Variants in DNAH6 observed in about 807,000 individuals in gnomAD.
DNAH6 encodes the protein axonemal beta dynein heavy chain 6.
Under a neutral mutation model 491.4 loss-of-function variants are expected in DNAH6, and 340 were observed. The ratio of observed to expected loss-of-function variants is 0.69; its 90% CI spans 0.63 to 0.76. DNAH6 has a LOEUF of 0.76. DNAH6 is among the 30% of genes least tolerant of loss of function. DNAH6 has a pLI of 0.00. For synonymous variants in DNAH6, 1,603 were observed against 1,686.1 expected (o/e 0.95, Z 1.21); for missense variants, 4,443 against 4,972.2 (o/e 0.89, Z 3.20).
At chr2:84,714,264 C>G (rs1320669304) in intron 57 of DNAH6, among the ~76,000 whole-genome samples, 6 of 152,210 alleles carry the variant, frequency 3.9e-5, no homozygotes, top group African/African-American at 1.4e-4. Flanking sequence ...TATCTGTCTT[C>G]ACCAGATGTG....
intron 42 of DNAH6, among the ~76,000 whole-genome samples, chr2:84,684,816 A>G (rs1694126981): frequency 6.6e-6 from 1 of 152,234 alleles, no homozygotes; most frequent in Admixed American, 6.5e-5. Flanking sequence ...GTTTGCAATA[A>G]CAATTTACAC....
intron 2 of DNAH6, among the ~76,000 whole-genome samples, chr2:84,518,641 A>G (rs942800856): frequency 1.3e-5 from 2 of 152,226 alleles, no homozygotes; most frequent in African/African-American, 2.4e-5. Flanking sequence ...CTAACCGTTG[A>G]TGATTAAAGT....
intron 62 of DNAH6, among the ~76,000 whole-genome samples, chr2:84,739,427 A>G (rs1398863968): frequency 6.6e-6 from 1 of 152,152 alleles, no homozygotes; most frequent in African/African-American, 2.4e-5. Flanking sequence ...CCTGAATTAT[A>G]TCCTCAAATA....
rs1687235636 is a variant in DNAH6 at position 84,619,848 on chromosome 2, C to A, written c.3736C>A (p.Pro1246Thr). 6.4e-7 allele frequency: 1 copy of A among 1,551,314 alleles called. No homozygotes were observed. The change falls in exon 24 of 77, where the codon CCA becomes ACA. Residue 1246 changes from proline (P) to threonine (T), a missense_variant. This residue lies in a region of DNAH6 where 2,977 missense variants were observed against 3,296.6 expected (regional missense o/e 0.90). Coordinates refer to ENST00000389394, the MANE Select transcript of DNAH6 (RefSeq NM_001370.2). ...AAAGATTCCTGGTATTGATGGAGAA[C>A]CAGAAAAGGTTTATACTAATGATAT... ...EGKIPGIDGE[P>T]EKVYTNDILA...
At chr2:84,580,160 TAGTC>T (rs1166867775) in intron 14 of DNAH6, among the ~76,000 whole-genome samples, 1 of 152,152 alleles carries the variant, frequency 6.6e-6, no homozygotes, top group African/African-American at 2.4e-5. Context: ...GGCTGCATAA[TAGTC>T]AGGAAACTTA....
intron 3 of DNAH6, 96 bp from the exon 4 acceptor site, chr2:84,528,808 A>C: frequency 8.3e-7 from 1 of 1,211,354 alleles, no homozygotes; most frequent in Non-Finnish European, 1.1e-6. Flanking sequence ...CATCTCATGC[A>C]ATATGGCAAT....
intron 11 of DNAH6, among the ~76,000 whole-genome samples, chr2:84,568,765 A>G (rs955378445): frequency 1.3e-5 from 2 of 152,204 alleles, no homozygotes; most frequent in African/African-American, 4.8e-5. Flanking sequence ...AAAACTTATG[A>G]TAAAACATTC....
intron 29 of DNAH6, among the ~76,000 whole-genome samples, chr2:84,634,093 C>T (rs1179199946): frequency 2.6e-5 from 4 of 152,142 alleles, no homozygotes; most frequent in African/African-American, 9.7e-5. Flanking sequence ...GCTCAGTAGT[C>T]CTTGTGTGTG....
Position 84,733,521 on chromosome 2 carries a change from T to C in DNAH6, c.10284T>C (p.Phe3428=). The C allele has an allele frequency of 6.4e-7, 1 of 1,551,640 alleles. No homozygotes were observed. Among genetic ancestry groups the C allele is most frequent in the Non-Finnish European group, 8.7e-7 (1 of 1,146,938 alleles). ...WFACCDLEES[F]PVFHGLTQNI... Reference sequence around the variant, plus strand: ...CATGCTGTGACTTGGAAGAATCATTTCCAGTTTTTCACGGACTTACCCAAA... The same window carrying C: ...CATGCTGTGACTTGGAAGAATCATTCCCAGTTTTTCACGGACTTACCCAAA... Residue 3428 remains phenylalanine (F), a synonymous_variant, in exon 62 of 77, where the codon TTT becomes TTC. Transcript: ENST00000389394.
intron 41 of DNAH6, among the ~76,000 whole-genome samples, chr2:84,678,603 G>A (rs1285772828): frequency 6.6e-6 from 1 of 152,012 alleles, no homozygotes; most frequent in Non-Finnish European, 1.5e-5. Flanking sequence ...TTTGTGGGTG[G>A]GAAGAATACA....
chr2:84,657,044 C>T (rs1691044194), intron 35 of DNAH6, among the ~76,000 whole-genome samples: 1 of 151,934 alleles, frequency 6.6e-6, no homozygotes, highest in South Asian at 2.1e-4. Context: ...TGTTTTTTTG[C>T]ATGTGTATAT....
chr2:84,788,324 G>A (rs1373709586), intron 68 of DNAH6, among the ~76,000 whole-genome samples: 1 of 152,126 alleles, frequency 6.6e-6, no homozygotes, highest in Non-Finnish European at 1.5e-5. Flanking sequence ...TGATGTTTCA[G>A]GTTACCTCAG....
At chr2:84,485,363 G>A in the DNAH6 span, among the ~76,000 whole-genome samples, 1 of 152,148 alleles carries the variant, frequency 6.6e-6, no homozygotes, top group Non-Finnish European at 1.5e-5. Context: ...GAGGGCAGAG[G>A]GGTAGAAAGT....
At chr2:84,683,134 C>T (rs1693943269) in intron 42 of DNAH6, among the ~76,000 whole-genome samples, 1 of 152,160 alleles carries the variant, frequency 6.6e-6, no homozygotes, top group Admixed American at 6.5e-5. Flanking sequence ...CCCTTCATAG[C>T]TCCTATTACC....
intron 49 of DNAH6, among the ~76,000 whole-genome samples, 161 bp from the exon 50 acceptor site, chr2:84,703,234 A>C (rs1696099438): frequency 6.6e-6 from 1 of 152,242 alleles, no homozygotes; most frequent in South Asian, 2.1e-4. Flanking sequence ...CCATTATCTG[A>C]ACATTTCCCA....
chr2:84,564,367 G>A (rs183418778), intron 11 of DNAH6, among the ~76,000 whole-genome samples: 1 of 152,168 alleles, frequency 6.6e-6, no homozygotes, highest in East Asian at 1.9e-4. Flanking sequence ...TTTCAGCAGT[G>A]TTTTGTAGTT....
At chr2:84,517,209 A>T (rs1193372649) in intron 1 of DNAH6, among the ~76,000 whole-genome samples, 1 of 152,180 alleles carries the variant, frequency 6.6e-6, no homozygotes, top group Non-Finnish European at 1.5e-5. Context: ...GTGGTGGTGC[A>T]GAGTGCAAGA....
intron 12 of DNAH6, among the ~76,000 whole-genome samples, chr2:84,576,302 C>T (rs965339583): frequency 6.6e-6 from 1 of 151,988 alleles, no homozygotes; most frequent in Admixed American, 6.6e-5. Context: ...TTCCCAAGGC[C>T]ACACATGGGT....
intron 48 of DNAH6, 87 bp from the exon 49 acceptor site, chr2:84,701,010 T>G: frequency 6.9e-7 from 1 of 1,444,754 alleles, no homozygotes; most frequent in East Asian, 2.5e-5. Context: ...CAGGGAGGAG[T>G]TCCCGAGAAA....
Sources: gnomAD v4.1 joint callset for allele counts (sites outside exome capture counted in the v4.1 genomes callset) on GRCh38, gnomAD v4.1.1 for gene constraint, gnomAD v4.1.1 regional missense constraint, MANE v1.5 for transcripts, NCBI Gene and HGNC (gene_info 2026-07-23, HGNC 2026-07-21) for gene names.